SIGMAR1: variants seen among roughly 807,000 people sequenced by gnomAD.
The protein encoded by SIGMAR1 is sigma non-opioid intracellular receptor 1.
SIGMAR1 carries 18 observed loss-of-function variants against 25.4 expected under a neutral mutation model. The ratio of observed to expected loss-of-function variants is 0.71; its 90% CI spans 0.49 to 1.05. The LOEUF (loss-of-function observed/expected upper bound fraction) is 1.05. Among genes scored for constraint, SIGMAR1 ranks in the 50% least tolerant of loss-of-function variants. The pLI is 0.00. For synonymous variants in SIGMAR1, 125 were observed against 131.6 expected (o/e 0.95, Z 0.34); for missense variants, 249 against 301.6 (o/e 0.83, Z 1.29).
At position 34,637,528 on chromosome 9, in the gene SIGMAR1, C is replaced by T. The variant is rs577324068; in HGVS notation, c.151+19G>A. The T allele has an allele frequency of 1.3e-6, 2 of 1,584,346 alleles. No individual in the cohort carries two copies. The highest frequency in any genetic ancestry group is 2.3e-5 in the South Asian group (2 of 88,072). On this transcript the variant is annotated intron_variant, in intron 1 of 3. Coordinates refer to ENST00000277010, the MANE Select transcript of SIGMAR1 (RefSeq NM_005866.4). The stretch of plus-strand genomic sequence containing the variant: ...GCTCCCAGGCCGGCCGCTCCCCTCC[C>T]TGCCCTCTGCCCGCTCACCAGCGTA...
rs1820811789 is a variant in SIGMAR1, at chr9:34,635,488, A to G, written c.*144T>C. ...ATGGGTCTCTGTGTTTGGATACATA[A>G]GCATGGATATCCCTGCTCATACAGC... is the stretch of plus-strand genomic sequence containing the variant. On this transcript the variant is annotated 3_prime_UTR_variant, in exon 4 of 4. Transcript: ENST00000277010. The surrounding 1 kb of genome is among the most constrained non-coding windows in gnomAD (Gnocchi z 4.5). 8.0e-7 allele frequency: 1 copy of G among 1,248,706 alleles called. No individual in the cohort carries two copies. Among genetic ancestry groups the G allele is most frequent in the East Asian group, 2.5e-5 (1 of 39,580 alleles). The allele number at this position is 1,248,706 out of a possible 1,614,324, so 77.4% of individuals were successfully genotyped here. A position where few individuals can be genotyped will look rare whatever the true frequency, so the allele number is the denominator to read the frequency against.
Position 34,635,854 on chromosome 9 carries a change from C to T in SIGMAR1, c.450G>A (p.Glu150=), listed in dbSNP as rs1820836673. ...CCTCACCAGGCCCGTGTACTACCGT[C>T]TCCCCTGGGGGACAGGGAGCACCCA... ...TTKSEVFYPG[E]TVVHGPGEAT... Residue 150 remains glutamate, a synonymous_variant, in exon 4 of 4, where the codon GAG becomes GAA. Transcript: ENST00000277010. The surrounding 1 kb of genome is among the most constrained non-coding windows in gnomAD (Gnocchi z 4.5). 2 of 1,614,022 alleles carry T rather than the reference C, an allele frequency of 1.2e-6. No homozygotes were observed. The highest frequency in any genetic ancestry group is 2.7e-5 in the African/African-American group (2 of 75,044).
chr9:34,635,252 T>A lies in SIGMAR1; in HGVS notation c.*380A>T. ...TGAGGCAGTATAATACCCTCCCCCA[T>A]CCTTAACTCTAGAACCCCGGTTTGG... On this transcript the variant is annotated 3_prime_UTR_variant, in exon 4 of 4. Coordinates refer to ENST00000277010, the MANE Select transcript of SIGMAR1 (RefSeq NM_005866.4). The surrounding 1 kb of genome is among the most constrained non-coding windows in gnomAD (Gnocchi z 4.5). 1 of 351,302 alleles carries A rather than the reference T, an allele frequency of 2.8e-6. No individual in the cohort carries two copies. The highest frequency in any genetic ancestry group is 3.9e-5 in the Admixed American group (1 of 25,716). 21.8% of individuals were successfully genotyped at this position (351,302 alleles called of 1,614,324 possible).
chr9:34,635,443 T>C lies in SIGMAR1; in HGVS notation c.*189A>G. On this transcript the variant is annotated 3_prime_UTR_variant, in exon 4 of 4. Coordinates refer to ENST00000277010, the MANE Select transcript of SIGMAR1 (RefSeq NM_005866.4). This position sits in a 1 kb window ranked among gnomAD's most constrained non-coding sequence, Gnocchi z 4.5. ...CTGTACACACAGGTCTCAGTATCTA[T>C]ATGTGTCTCATTTGTTCCCATGGGT... The C allele has an allele frequency of 3.6e-6, 3 of 835,702 alleles. No homozygotes were observed. The highest frequency in any genetic ancestry group is 5.7e-6 in the Non-Finnish European group (3 of 524,884). The allele number at this position is 835,702 out of a possible 1,614,324, so 51.8% of individuals were successfully genotyped here.
rs777650644 is a variant in SIGMAR1 at position 34,635,751 on chromosome 9, C to T, written c.553G>A (p.Ala185Thr). 13 of 1,614,114 alleles carry T rather than the reference C, an allele frequency of 8.1e-6. No individual in the cohort carries two copies. Among genetic ancestry groups the T allele is most frequent in the East Asian group, 4.5e-5 (2 of 44,894 alleles). ...GTGCTGAAGACAGTGTCGGCCAGCGCGAAGGCCAGGGTGGATGGGATGACG... is the reference window on the plus strand; with the variant it reads ...GTGCTGAAGACAGTGTCGGCCAGCGTGAAGGCCAGGGTGGATGGGATGACG... ...RGVIPSTLAF[A>T]LADTVFSTQD... is the part of the protein sequence containing the mutation. The change falls in exon 4 of 4, where the codon GCG becomes ACG. Residue 185 changes from alanine to threonine, a missense_variant. Coordinates refer to ENST00000277010, the MANE Select transcript of SIGMAR1 (RefSeq NM_005866.4). The surrounding 1 kb of genome is among the most constrained non-coding windows in gnomAD (Gnocchi z 4.5).
Position 34,637,398 on chromosome 9 carries a change from G to T in SIGMAR1, c.174C>A (p.Phe58Leu). The T allele has an allele frequency of 6.2e-7, 1 of 1,605,088 alleles. No individual in the cohort carries two copies. The highest frequency in any genetic ancestry group is 1.3e-5 in the African/African-American group (1 of 75,052). Residue 58 changes from phenylalanine to leucine, a missense_variant, in exon 2 of 4, where the codon TTC becomes TTA. Transcript: ENST00000277010. ...QYAGLDHELA[F>L]SRLIVELRRL... Reference sequence around the variant, plus strand: ...GCCGCAGCTCCACGATCAGACGAGAGAAGGCCAGCTCGTGGTCCAGCCCTG... The same window carrying T: ...GCCGCAGCTCCACGATCAGACGAGATAAGGCCAGCTCGTGGTCCAGCCCTG...
At chr9:34,637,124 T>C in intron 2 of SIGMAR1, 35 bp from the exon 3 acceptor site, 1 of 1,612,320 alleles carries the variant, frequency 6.2e-7, no homozygotes, top group Non-Finnish European at 8.5e-7. Flanking sequence ...TATCAGGGTA[T>C]TCGCGCCATT....
At position 34,636,983 on chromosome 9, in the gene SIGMAR1, G is replaced by A. The variant is rs1564095860; in HGVS notation, c.445+14C>T. On this transcript the variant is annotated intron_variant, in intron 3 of 3. Transcript: ENST00000277010. ...TGAAGGGACCCACTTCTCTGACAGAGCCTTCTTACCCACCTGGGTAGAAGA... is the reference window on the plus strand; with the variant it reads ...TGAAGGGACCCACTTCTCTGACAGAACCTTCTTACCCACCTGGGTAGAAGA... 19 of 1,608,362 alleles carry A rather than the reference G, an allele frequency of 1.2e-5. No individual in the cohort carries two copies. The highest frequency in any genetic ancestry group is 1.6e-5 in the Non-Finnish European group (19 of 1,175,094).
chr9:34,637,049 G>A lies in SIGMAR1; in HGVS notation c.393C>T (p.Gly131=), dbSNP rs1820892626. 1 of 1,614,050 alleles carries A rather than the reference G, an allele frequency of 6.2e-7. No individual in the cohort carries two copies. Among genetic ancestry groups the A allele is most frequent in the African/African-American group, 1.3e-5 (1 of 74,952 alleles). ...TGCCCTCTCTCCACTGGTGGAAGGT[G>A]CCAGAGATGATGGTATCCGAGATCT... ...WAEISDTIIS[G]TFHQWREGTT... is the part of the protein sequence containing the mutation. The change falls in exon 3 of 4, where the codon GGC becomes GGT. Residue 131 remains glycine, a synonymous_variant. Coordinates refer to ENST00000277010, the MANE Select transcript of SIGMAR1 (RefSeq NM_005866.4).
In SIGMAR1 at chr9:34,635,843, T is replaced by G. The variant is rs1554707723; in HGVS notation, c.461A>C (p.His154Pro). Reference protein sequence around the residue: ...EVFYPGETVVHGPGEATAVEW... With the variant: ...EVFYPGETVVPGPGEATAVEW... ...CACAGCTGTTGCCTCACCAGGCCCG[T>G]GTACTACCGTCTCCCCTGGGGGACA... is the stretch of plus-strand genomic sequence containing the variant. The change falls in exon 4 of 4, where the codon CAC (histidine) becomes CCC (proline). Residue 154 changes from histidine to proline, a missense_variant. By Grantham distance (77) the His-to-Pro change is moderately conservative (BLOSUM62 -2). Transcript: ENST00000277010. The surrounding 1 kb of genome is among the most constrained non-coding windows in gnomAD (Gnocchi z 4.5). 9 of 1,614,046 alleles carry G rather than the reference T, an allele frequency of 5.6e-6. No homozygotes were observed. The highest frequency in any genetic ancestry group is 4.0e-5 in the African/African-American group (3 of 75,034).
rs1820918210 is a variant in SIGMAR1, at chr9:34,637,415, C to T, written c.157G>A (p.Asp53Asn). 6.2e-7 allele frequency: 1 copy of T among 1,602,674 alleles called. No homozygotes were observed. Among genetic ancestry groups the T allele is most frequent in the Non-Finnish European group, 8.5e-7 (1 of 1,179,270 alleles). ...AGACGAGAGAAGGCCAGCTCGTGGTCCAGCCCTGGCGGAGGCAGAGGGGCG... is the reference window on the plus strand; with the variant it reads ...AGACGAGAGAAGGCCAGCTCGTGGTTCAGCCCTGGCGGAGGCAGAGGGGCG... ...AQLARQYAGLDHELAFSRLIV... is the reference protein window; with the variant it reads ...AQLARQYAGLNHELAFSRLIV... Residue 53 changes from aspartate to asparagine, a missense_variant, in exon 2 of 4, where the codon GAC (aspartate) becomes AAC (asparagine). Transcript: ENST00000277010.
At chr9:34,636,005 C>T (rs1820843448) in intron 3 of SIGMAR1, 147 bp from the exon 4 acceptor site, 1 of 1,127,298 alleles carries the variant, frequency 8.9e-7, no homozygotes, top group African/African-American at 1.6e-5. Flanking sequence ...TGGGCTGGCC[C>T]AGATGGCCAC....
intron 3 of SIGMAR1, among the ~76,000 whole-genome samples, chr9:34,636,404 C>A (rs917958742): frequency 2.0e-5 from 3 of 150,476 alleles, no homozygotes; most frequent in African/African-American, 7.4e-5. Flanking sequence ...GAGGCCGAGG[C>A]GGGTGGATCA....
At position 34,637,338 on chromosome 9, in the gene SIGMAR1, C is replaced by T; in HGVS notation, c.234G>A (p.Glu78=). 1 of 1,604,968 alleles carries T rather than the reference C, an allele frequency of 6.2e-7. No homozygotes were observed. Among genetic ancestry groups the T allele is most frequent in the Middle Eastern group, 1.7e-4 (1 of 6,056 alleles). The change falls in exon 2 of 4, where the codon GAG becomes GAA. Residue 78 remains glutamate (E), a synonymous_variant. Transcript: ENST00000277010. ...LHPGHVLPDE[E]LQWVFVNAGG... ...CCGCATTCACGAACACCCACTGCAG[C>T]TCCTCGTCGGGCAGCACGTGGCCTG...
At position 34,637,622 on chromosome 9, in the gene SIGMAR1, C is replaced by T. The variant is rs556930150; in HGVS notation, c.76G>A (p.Val26Ile). Residue 26 changes from valine (V) to isoleucine (I), a missense_variant, in exon 1 of 4, where the codon GTC becomes ATC. By Grantham distance (29) the Val-to-Ile change is conservative (BLOSUM62 3). Transcript: ENST00000277010. ...LAVAAVLTQV[V>I]WLWLGTQSFV... ...CTCTGCGTACCCAGCCAGAGCCAGACGACCTGGGTCAGCACCGCTGCGACA... is the reference window on the plus strand; with the variant it reads ...CTCTGCGTACCCAGCCAGAGCCAGATGACCTGGGTCAGCACCGCTGCGACA... 3 of 1,545,020 alleles carry T rather than the reference C, an allele frequency of 1.9e-6. No homozygotes were observed. Among genetic ancestry groups the T allele is most frequent in the Admixed American group, 3.8e-5 (2 of 51,956 alleles).
intron 3 of SIGMAR1, chr9:34,636,696 C>G: frequency 4.0e-6 from 2 of 502,730 alleles, no homozygotes; most frequent in Non-Finnish European, 7.3e-6. Flanking sequence ...GAGAGCATTT[C>G]TGATTACCCA....
At position 34,637,340 on chromosome 9, in the gene SIGMAR1, C is replaced by G; in HGVS notation, c.232G>C (p.Glu78Gln). 1 of 1,605,082 alleles carries G rather than the reference C, an allele frequency of 6.2e-7. No homozygotes were observed. The highest frequency in any genetic ancestry group is 8.5e-7 in the Non-Finnish European group (1 of 1,178,970). The change falls in exon 2 of 4, where the codon GAG becomes CAG. Residue 78 changes from glutamate (E) to glutamine (Q), a missense_variant. Coordinates refer to ENST00000277010, the MANE Select transcript of SIGMAR1 (RefSeq NM_005866.4). The part of the protein sequence containing the change: ...LHPGHVLPDE[E>Q]LQWVFVNAGG... ...GCATTCACGAACACCCACTGCAGCT[C>G]CTCGTCGGGCAGCACGTGGCCTGGG...
Position 34,635,482 on chromosome 9 carries a change from T to C in SIGMAR1, c.*150A>G. Reference sequence around the variant, plus strand: ...GTTCCCATGGGTCTCTGTGTTTGGATACATAAGCATGGATATCCCTGCTCA... The same window carrying C: ...GTTCCCATGGGTCTCTGTGTTTGGACACATAAGCATGGATATCCCTGCTCA... On this transcript the variant is annotated 3_prime_UTR_variant, in exon 4 of 4. Transcript: ENST00000277010. This position sits in a 1 kb window ranked among gnomAD's most constrained non-coding sequence, Gnocchi z 4.5. The C allele has an allele frequency of 8.4e-7, 1 of 1,186,658 alleles. No individual in the cohort carries two copies. Among genetic ancestry groups the C allele is most frequent in the Non-Finnish European group, 1.2e-6 (1 of 826,626 alleles). The allele number at this position is 1,186,658 out of a possible 1,614,324, so 73.5% of individuals were successfully genotyped here.
In SIGMAR1 at chr9:34,637,427, G is replaced by A; in HGVS notation, c.152-7C>T. The A allele has an allele frequency of 6.2e-7, 1 of 1,600,960 alleles. No homozygotes were observed. Among genetic ancestry groups the A allele is most frequent in the Non-Finnish European group, 8.5e-7 (1 of 1,178,790 alleles). On this transcript the variant is annotated splice_region_variant and splice_polypyrimidine_tract_variant and intron_variant, in intron 1 of 3. Coordinates refer to ENST00000277010, the MANE Select transcript of SIGMAR1 (RefSeq NM_005866.4). ...GCCAGCTCGTGGTCCAGCCCTGGCG[G>A]AGGCAGAGGGGCGGCGGAGTCAGGG...
Sources: gnomAD v4.1 joint callset for allele counts (sites outside exome capture counted in the v4.1 genomes callset) on GRCh38, gnomAD v4.1.1 for gene constraint, Gnocchi (gnomAD v3.1) non-coding constraint, MANE v1.5 for transcripts, NCBI Gene and HGNC (gene_info 2026-07-23, HGNC 2026-07-21) for gene names.